Variants in DHDDS observed in about 807,000 individuals in gnomAD.
DHDDS encodes dehydrodolichyl diphosphate synthase subunit, also known as dehydrodolichyl diphosphate synthase complex subunit DHDDS.
A neutral mutation model predicts 46.2 loss-of-function variants in DHDDS; 16 were observed. The ratio of observed to expected loss-of-function variants is 0.35; its 90% CI spans 0.23 to 0.53. The LOEUF (loss-of-function observed/expected upper bound fraction) is 0.53. Among genes scored for constraint, DHDDS ranks in the 20% least tolerant of loss-of-function variants. DHDDS has a pLI of 0.94. For synonymous variants in DHDDS, 151 were observed against 163.1 expected (o/e 0.93, Z 0.56); for missense variants, 340 against 423.7 (o/e 0.80, Z 1.73).
intron 8 of DHDDS, among the ~76,000 whole-genome samples, chr1:26,465,524 G>GT (rs2075475529): frequency 6.6e-6 from 1 of 152,218 alleles, no homozygotes; most frequent in Non-Finnish European, 1.5e-5. Context: ...TGACTGTACA[G>GT]TTACTTAACC....
chr1:26,444,041 C>G (rs1358853352), intron 4 of DHDDS, among the ~76,000 whole-genome samples: 1 of 152,222 alleles, frequency 6.6e-6, no homozygotes, highest in Non-Finnish European at 1.5e-5. Context: ...ACACCTGGAT[C>G]TTTTTGACTC....
At chr1:26,443,052 C>CATTTT in intron 4 of DHDDS, 179 bp downstream of exon 4, 1 of 999,576 alleles carries the variant, frequency 1.0e-6, no homozygotes, top group Non-Finnish European at 1.4e-6. Flanking sequence ...TTATTTCTAA[C>CATTTT]TTTTTAATAA....
rs2124489873 is a variant in DHDDS, at chr1:26,457,894, T to C, written c.646T>C (p.Leu216=). The C allele has an allele frequency of 6.2e-7, 1 of 1,613,792 alleles. No individual in the cohort carries two copies. Among genetic ancestry groups the C allele is most frequent in the Non-Finnish European group, 8.5e-7 (1 of 1,179,780 alleles). The change falls in exon 7 of 9, where the codon TTG becomes CTG. Residue 216 remains leucine, a synonymous_variant. Transcript: ENST00000236342. ...TGGAGAAGTGCGGCTGAGTGACTTC[T>C]TGCTATGGCAGGTAGGTCATTTCCA... ...TSGEVRLSDF[L]LWQTSHSCLV... is the part of the protein sequence containing the mutation.
At chr1:26,467,453 CG>C (rs1477657587) in intron 8 of DHDDS, 65 of 423,526 alleles carry the variant, frequency 1.5e-4, no homozygotes, top group Non-Finnish European at 1.9e-4. Flanking sequence ...ATTCAGGAGC[CG>C]GGGGGGACAG....
At chr1:26,440,345 A>T (rs2124388039) in intron 3 of DHDDS, among the ~76,000 whole-genome samples, 1 of 152,222 alleles carries the variant, frequency 6.6e-6, no homozygotes, top group South Asian at 2.1e-4. Flanking sequence ...GTTTTGCCTA[A>T]TGCTTAGGAG....
At chr1:26,438,121 C>A in intron 2 of DHDDS, 47 bp from the exon 3 acceptor site, 1 of 1,593,616 alleles carries the variant, frequency 6.3e-7, no homozygotes, top group Non-Finnish European at 8.6e-7. Flanking sequence ...TTCCTTTATC[C>A]CTGAAGAATA....
At chr1:26,448,193 C>CTTTT (rs11300095) in intron 6 of DHDDS, 19 of 121,362 alleles carry the variant, frequency 1.6e-4, no homozygotes, top group South Asian at 2.7e-4. Flanking sequence ...TTTTTCTTTT[C>CTTTT]TTTTTTTTTT....
chr1:26,469,625 CAG>C lies in DHDDS; in HGVS notation c.*496_*497del, dbSNP rs1362929751. 4.3e-6 allele frequency: 1 copy of C among 230,704 alleles called. No homozygotes were observed. The highest frequency in any genetic ancestry group is 1.0e-4 in the East Asian group (1 of 9,710). The allele number at this position is 230,704 out of a possible 1,614,324, so 14.3% of individuals were successfully genotyped here. A position where few individuals can be genotyped will look rare whatever the true frequency, so the allele number is the denominator to read the frequency against. ...GTAAGGAAAAAAGGGGTGGGAGAGA[CAG>C]AAAATTTGCCCATCTGCTGCTCCTC... On this transcript the variant is annotated 3_prime_UTR_variant, in exon 9 of 9. Transcript: ENST00000236342.
intron 5 of DHDDS, among the ~76,000 whole-genome samples, chr1:26,447,086 T>C (rs879386657): frequency 6.6e-6 from 1 of 152,100 alleles, no homozygotes; most frequent in Admixed American, 6.6e-5. Context: ...CCTGTCATCC[T>C]AGGCAGGTGG....
At position 26,460,155 on chromosome 1, in the gene DHDDS, G is replaced by A; in HGVS notation, c.765+11G>A. 6.2e-7 allele frequency: 1 copy of A among 1,602,998 alleles called. No individual in the cohort carries two copies. The highest frequency in any genetic ancestry group is 8.5e-7 in the Non-Finnish European group (1 of 1,170,152). On this transcript the variant is annotated intron_variant, in intron 8 of 8. Transcript: ENST00000236342. The stretch of plus-strand genomic sequence containing the variant: ...CATAGCGTGCTTCAGGTAAGAAAGA[G>A]TTCAGGGCTGGCCAGATGGGATGGG...
intron 2 of DHDDS, among the ~76,000 whole-genome samples, chr1:26,436,909 G>A (rs1020610724): frequency 2.0e-5 from 3 of 152,116 alleles, no homozygotes; most frequent in East Asian, 2.0e-4. Flanking sequence ...GCTGGCTCAC[G>A]CCTGTAATCC....
chr1:26,457,436 C>G (rs576197816), intron 6 of DHDDS, among the ~76,000 whole-genome samples: 10 of 151,786 alleles, frequency 6.6e-5, no homozygotes, highest in Admixed American at 6.6e-4. Context: ...TGCCACTGCA[C>G]TCCAGCCTGG....
At chr1:26,434,127 C>T (rs1446863825) in intron 2 of DHDDS, among the ~76,000 whole-genome samples, 1 of 152,190 alleles carries the variant, frequency 6.6e-6, no homozygotes, top group East Asian at 1.9e-4. Flanking sequence ...AAGCAGTTAG[C>T]ATAATGTCTA....
At position 26,442,313 on chromosome 1, in the gene DHDDS, G is replaced by A. The variant is rs530205387; in HGVS notation, c.181-418G>A. ...GTTATGCTGTGAGTAATAACACCTT[G>A]TGTTTTTATATTGTTCGTTAGCCAC... On this transcript the variant is annotated intron_variant, in intron 3 of 8. Coordinates refer to ENST00000236342, the MANE Select transcript of DHDDS (RefSeq NM_205861.3). Among the ~76,000 whole-genome samples the A allele has an allele frequency of 4.6e-5, 7 of 152,200 alleles. No homozygotes were observed. In the South Asian group the frequency reaches 8.3e-4, roughly 18 times the overall value.
chr1:26,468,957 A>G lies in DHDDS; in HGVS notation c.828A>G (p.Thr276=). ...AGCAGCTGGAGAGGGACCAGGCTAC[A>G]GTGACAGAGCAGCTGCTGCGAGAGG... The part of the protein sequence containing the change: ...KRQQLERDQA[T]VTEQLLREGL... Residue 276 remains threonine, a synonymous_variant, in exon 9 of 9, where the codon ACA becomes ACG. Transcript: ENST00000236342. 1 of 1,614,164 alleles carries G rather than the reference A, an allele frequency of 6.2e-7. No homozygotes were observed. The highest frequency in any genetic ancestry group is 8.5e-7 in the Non-Finnish European group (1 of 1,180,038).
intron 8 of DHDDS, among the ~76,000 whole-genome samples, chr1:26,464,818 G>A (rs914837148): frequency 6.0e-4 from 91 of 152,260 alleles, no homozygotes; most frequent in African/African-American, 2.1e-3. Flanking sequence ...CCTGCCCAAT[G>A]TGTCCCTATT....
chr1:26,468,646 CT>C (rs2075517450), intron 8 of DHDDS, among the ~76,000 whole-genome samples: 2 of 152,156 alleles, frequency 1.3e-5, no homozygotes, highest in Admixed American at 1.3e-4. Context: ...ATGAGAAAAA[CT>C]TTAAGAAGTA....
rs146706631 is a variant in DHDDS at position 26,469,259 on chromosome 1, C to G, written c.*128C>G. ...TGTTCCCTTTGCTTGGCTGGGGAGC[C>G]CCCCAGGCCAGGTTTGCTGGCCATA... is the stretch of plus-strand genomic sequence containing the variant. On this transcript the variant is annotated 3_prime_UTR_variant, in exon 9 of 9. Transcript: ENST00000236342. 6,317 of 1,554,170 alleles carry G rather than the reference C, an allele frequency of 4.1e-3. 20 individuals are homozygous for G. The highest frequency in any genetic ancestry group is 5.0e-3 in the Non-Finnish European group (5,717 of 1,148,612).
chr1:26,465,705 C>T (rs138671688), intron 8 of DHDDS, among the ~76,000 whole-genome samples: 2 of 152,318 alleles, frequency 1.3e-5, no homozygotes, highest in African/African-American at 4.8e-5. Context: ...TTGTTCCCCA[C>T]ATGTGTGTCT....
Sources: gnomAD v4.1 joint callset for allele counts (sites outside exome capture counted in the v4.1 genomes callset) on GRCh38, gnomAD v4.1.1 for gene constraint, MANE v1.5 for transcripts, NCBI Gene and HGNC (gene_info 2026-07-23, HGNC 2026-07-21) for gene names.